Variants in C1QTNF3 observed in about 807,000 individuals in gnomAD.
C1QTNF3 encodes the protein C1q and TNF related 3.
A neutral mutation model predicts 32.6 loss-of-function variants in C1QTNF3; 26 were observed. That is an observed-to-expected ratio of 0.80 (90% confidence interval 0.58 to 1.11). The LOEUF is 1.11. Among genes scored for constraint, C1QTNF3 ranks in the 50% least tolerant of loss-of-function variants. The pLI is 0.00. For missense variants in C1QTNF3, 362 were observed against 398.2 expected, an observed-to-expected ratio of 0.91 and a Z score of 0.77; for synonymous variants, 155 against 146.0, an observed-to-expected ratio of 1.06 and a Z score of -0.44.
At chr5:34,024,039 T>C (rs750674428) in intron 4 of C1QTNF3, 31 bp from the exon 5 acceptor site, 7 of 1,565,596 alleles carry the variant, frequency 4.5e-6, no homozygotes, top group Non-Finnish European at 4.4e-6. Context: ...TCCATGTTGA[T>C]ATTAACATGT....
At chr5:34,105,015 C>T in the C1QTNF3 span, among the ~76,000 whole-genome samples, 19 of 151,546 alleles carry the variant, frequency 1.3e-4, no homozygotes, top group East Asian at 3.7e-3. Context: ...GTCAGAATTA[C>T]ATCTCTATCT....
chr5:34,044,145 T>C (rs1410045805), upstream of C1QTNF3, among the ~76,000 whole-genome samples: 1 of 152,170 alleles, frequency 6.6e-6, no homozygotes, highest in African/African-American at 2.4e-5. Context: ...ACACAGCGTA[T>C]CCAGATTAAG....
chr5:34,224,654 A>G, the C1QTNF3 span, among the ~76,000 whole-genome samples: 237 of 152,346 alleles, frequency 1.6e-3, 1 homozygote, highest in Non-Finnish European at 4.7e-4. Context: ...AATTAATTCA[A>G]GATGGAGTAA....
At chr5:34,218,687 T>A in the C1QTNF3 span, among the ~76,000 whole-genome samples, 15 of 152,238 alleles carry the variant, frequency 9.9e-5, no homozygotes, top group South Asian at 3.1e-3. Context: ...TACTCTTGTT[T>A]ATGCACTGAT....
At chr5:34,222,197 A>G in the C1QTNF3 span, among the ~76,000 whole-genome samples, 1 of 152,056 alleles carries the variant, frequency 6.6e-6, no homozygotes, top group Non-Finnish European at 1.5e-5. Flanking sequence ...ACCCAAGACA[A>G]TAACAATTCA....
At chr5:34,040,253 T>A (rs1192430414) in intron 1 of C1QTNF3, among the ~76,000 whole-genome samples, 1 of 152,146 alleles carries the variant, frequency 6.6e-6, no homozygotes, top group Non-Finnish European at 1.5e-5. Context: ...ATTTGCAGCA[T>A]GCGAGAAAGA....
chr5:34,023,667 G>A (rs566689941), intron 5 of C1QTNF3, among the ~76,000 whole-genome samples: 10 of 152,296 alleles, frequency 6.6e-5, no homozygotes, highest in African/African-American at 2.4e-4. Flanking sequence ...ACTGGTTATT[G>A]GGAGTGCTGC....
chr5:34,184,715 C>CAAAAAAAAAAAAAAAA, the C1QTNF3 span, among the ~76,000 whole-genome samples: 1 of 129,558 alleles, frequency 7.7e-6, no homozygotes. Context: ...GACTCTGTCT[C>CAAAAAAAAAAAAAAAA]AAAAAAAAAA....
chr5:34,208,232 ATTTAT>A, the C1QTNF3 span, among the ~76,000 whole-genome samples: 52 of 152,226 alleles, frequency 3.4e-4, no homozygotes, highest in African/African-American at 1.3e-3. Flanking sequence ...TAAAATGTAG[ATTTAT>A]TTTATCACAT....
At chr5:34,088,858 A>C in the C1QTNF3 span, among the ~76,000 whole-genome samples, 1 of 152,064 alleles carries the variant, frequency 6.6e-6, no homozygotes, top group Non-Finnish European at 1.5e-5. Context: ...AATGTAGCAC[A>C]CCTAGGCATT....
At chr5:34,177,412 G>T in the C1QTNF3 span, among the ~76,000 whole-genome samples, 2 of 151,198 alleles carry the variant, frequency 1.3e-5, no homozygotes, top group Admixed American at 1.3e-4. Context: ...GACCTACTGG[G>T]CTCAAACAAT....
At chr5:34,102,550 C>T in the C1QTNF3 span, among the ~76,000 whole-genome samples, 3 of 151,108 alleles carry the variant, frequency 2.0e-5, no homozygotes, top group Admixed American at 6.6e-5. Flanking sequence ...ATTCTTGATG[C>T]GAATTTTTTT....
chr5:34,063,289 C>T, the C1QTNF3 span, among the ~76,000 whole-genome samples: 1 of 84,286 alleles, frequency 1.2e-5, no homozygotes. Flanking sequence ...TCTCTCTTCC[C>T]TCTCTCTCCT....
the C1QTNF3 span, among the ~76,000 whole-genome samples, chr5:34,224,112 T>A: frequency 6.6e-6 from 1 of 152,098 alleles, no homozygotes. Context: ...AAGGACCTCT[T>A]CAAGAAGAAC....
chr5:34,244,607 T>C, the C1QTNF3 span: 1 of 152,096 alleles, frequency 6.6e-6, no homozygotes, highest in Non-Finnish European at 1.5e-5. Context: ...GATTAGTGCG[T>C]TCACATACCT....
the C1QTNF3 span, among the ~76,000 whole-genome samples, chr5:34,067,174 T>A: frequency 6.6e-6 from 1 of 152,194 alleles, no homozygotes; most frequent in African/African-American, 2.4e-5. Context: ...TGTAAGCAGT[T>A]TGGGGCAAAG....
At chr5:34,024,085 C>A in intron 4 of C1QTNF3, 77 bp from the exon 5 acceptor site, 2 of 1,083,212 alleles carry the variant, frequency 1.8e-6, no homozygotes, top group South Asian at 1.3e-5. Context: ...TGGAGATTTG[C>A]CAACTGCCTT....
chr5:34,116,787 G>T, the C1QTNF3 span, among the ~76,000 whole-genome samples: 1 of 151,934 alleles, frequency 6.6e-6, no homozygotes, highest in Non-Finnish European at 1.5e-5. Context: ...GTACAGATGA[G>T]GTTTCACCAT....
chr5:34,070,988 T>C, the C1QTNF3 span, among the ~76,000 whole-genome samples: 1 of 152,188 alleles, frequency 6.6e-6, no homozygotes, highest in Non-Finnish European at 1.5e-5. Context: ...CTATCGTAAA[T>C]ACATTTAGAG....
Sources: allele counts gnomAD v4.1 joint callset (sites outside exome capture counted in the v4.1 genomes callset), GRCh38; gene constraint gnomAD v4.1.1; transcripts MANE v1.5; gene names NCBI Gene and HGNC (gene_info 2026-07-23, HGNC 2026-07-21).